The following DOCK5 variants were observed in gnomAD, a reference collection of about 807,000 sequenced individuals.
The protein encoded by DOCK5 is dedicator of cytokinesis protein 5.
In DOCK5, 142 loss-of-function variants were observed where a neutral mutation model predicts 251.8. That is an observed-to-expected ratio of 0.56 (90% CI 0.49 to 0.65). The LOEUF is 0.65. Ranked by LOEUF, DOCK5 falls within the 30% of genes least tolerant of loss-of-function variation. The probability of loss-of-function intolerance (pLI) is 0.00; values close to 1 mark genes in which losing one functional copy is unlikely to be tolerated. For synonymous variants in DOCK5, 842 were observed against 835.5 expected (o/e 1.01, Z -0.13); for missense variants, 2,111 against 2,312.3 (o/e 0.91, Z 1.79).
At chr8:25,205,957 C>T (rs1032841447) in intron 1 of DOCK5, among the ~76,000 whole-genome samples, 11 of 151,958 alleles carry the variant, frequency 7.2e-5, no homozygotes, top group Non-Finnish European at 1.2e-4. Flanking sequence ...TAAAAGACCC[C>T]AAGTATAAAG....
chr8:25,255,185 C>T (rs1025361968), intron 2 of DOCK5, among the ~76,000 whole-genome samples: 1 of 152,328 alleles, frequency 6.6e-6, no homozygotes, highest in Non-Finnish European at 1.5e-5. Flanking sequence ...TCACACAATG[C>T]AGCAATTTCT....
At chr8:25,292,314 A>G in intron 6 of DOCK5, 142 bp downstream of exon 6, 1 of 1,064,342 alleles carries the variant, frequency 9.4e-7, no homozygotes. Flanking sequence ...CTTTGAAGAC[A>G]TTTAATTTTG....
intron 2 of DOCK5, among the ~76,000 whole-genome samples, chr8:25,257,884 C>T (rs1803460093): frequency 6.6e-6 from 1 of 152,164 alleles, no homozygotes; most frequent in Non-Finnish European, 1.5e-5. Flanking sequence ...CACATGCTAC[C>T]TCCTGTCATC....
At chr8:25,198,526 C>T (rs1347622991) in intron 1 of DOCK5, among the ~76,000 whole-genome samples, 2 of 151,640 alleles carry the variant, frequency 1.3e-5, no homozygotes, top group Admixed American at 6.6e-5. Context: ...AAGCTGAGAT[C>T]GTGCCACTGC....
At chr8:25,326,687 G>A (rs900523387) in intron 18 of DOCK5, among the ~76,000 whole-genome samples, 2 of 152,172 alleles carry the variant, frequency 1.3e-5, no homozygotes, top group Non-Finnish European at 2.9e-5. Flanking sequence ...GAGTTTAACT[G>A]TCTTCAGACC....
intron 2 of DOCK5, among the ~76,000 whole-genome samples, chr8:25,248,775 G>T (rs955798881): frequency 6.6e-6 from 1 of 151,988 alleles, no homozygotes; most frequent in Non-Finnish European, 1.5e-5. Flanking sequence ...CCTGGTATAC[G>T]GCAGGTGCTC....
At chr8:25,207,166 A>G (rs1802020321) in intron 1 of DOCK5, among the ~76,000 whole-genome samples, 1 of 152,200 alleles carries the variant, frequency 6.6e-6, no homozygotes, top group African/African-American at 2.4e-5. Context: ...TTGATCGACC[A>G]TAAGATTCAT....
intron 7 of DOCK5, among the ~76,000 whole-genome samples, chr8:25,297,706 A>T (rs1207084707): frequency 2.0e-5 from 3 of 152,148 alleles, no homozygotes; most frequent in Non-Finnish European, 4.4e-5. Context: ...AATAATATTT[A>T]AAAATAAAGT....
intron 32 of DOCK5, 122 bp from the exon 33 acceptor site, chr8:25,368,449 C>A: frequency 8.5e-7 from 1 of 1,180,526 alleles, no homozygotes; most frequent in Non-Finnish European, 1.2e-6. Flanking sequence ...GAATCTGAGT[C>A]ACTCACTTCT....
At chr8:25,380,789 C>T (rs1475665593) in intron 39 of DOCK5, among the ~76,000 whole-genome samples, 2 of 152,200 alleles carry the variant, frequency 1.3e-5, no homozygotes, top group African/African-American at 4.8e-5. Flanking sequence ...AAAATGAGTG[C>T]CCAGTGTTAG....
intron 5 of DOCK5, 54 bp from the exon 6 acceptor site, chr8:25,291,970 C>T: frequency 2.7e-6 from 4 of 1,467,614 alleles, no homozygotes; most frequent in South Asian, 1.4e-5. Flanking sequence ...TGTTCCCATC[C>T]TCTGTCACAC....
intron 37 of DOCK5, among the ~76,000 whole-genome samples, chr8:25,377,042 C>T (rs1476818589): frequency 6.6e-6 from 1 of 151,024 alleles, no homozygotes; most frequent in African/African-American, 2.4e-5. Context: ...GTTACTGATG[C>T]CCCAGTACAA....
At chr8:25,203,928 C>G (rs545802407) in intron 1 of DOCK5, among the ~76,000 whole-genome samples, 26 of 151,756 alleles carry the variant, frequency 1.7e-4, no homozygotes, top group African/African-American at 6.3e-4. Context: ...AAAATTGCTC[C>G]TCAACAAATA....
chr8:25,215,997 C>T (rs1802233251), intron 1 of DOCK5, among the ~76,000 whole-genome samples: 1 of 150,216 alleles, frequency 6.7e-6, no homozygotes, highest in Non-Finnish European at 1.5e-5. Flanking sequence ...TATATATCTG[C>T]ATACAGTATG....
chr8:25,185,189 C>G (rs1801401480), intron 1 of DOCK5, among the ~76,000 whole-genome samples: 1 of 152,136 alleles, frequency 6.6e-6, no homozygotes, highest in Non-Finnish European at 1.5e-5. Flanking sequence ...GGACCGTAAT[C>G]CCGCTCTTGC....
intron 20 of DOCK5, among the ~76,000 whole-genome samples, 165 bp from the exon 21 acceptor site, chr8:25,333,931 T>C (rs868091401): frequency 1.1e-4 from 16 of 152,072 alleles, no homozygotes; most frequent in Non-Finnish European, 2.1e-4. Context: ...TTATGCTAAA[T>C]AAATACAATC....
intron 2 of DOCK5, among the ~76,000 whole-genome samples, chr8:25,268,028 A>T (rs1349182491): frequency 4.0e-5 from 6 of 151,812 alleles, no homozygotes; most frequent in Non-Finnish European, 1.5e-5. Flanking sequence ...ACACCTGGCT[A>T]ATCTTTATAT....
At chr8:25,261,749 G>A (rs944225438) in intron 2 of DOCK5, among the ~76,000 whole-genome samples, 1 of 152,098 alleles carries the variant, frequency 6.6e-6, no homozygotes, top group Non-Finnish European at 1.5e-5. Context: ...AAATTCCGCG[G>A]TATCTTTATC....
chr8:25,338,464 A>T (rs1014241894), intron 22 of DOCK5, among the ~76,000 whole-genome samples: 8 of 151,886 alleles, frequency 5.3e-5, no homozygotes, highest in Non-Finnish European at 7.4e-5. Context: ...GCTATTTTTT[A>T]TATTTTTTTG....
Sources: allele counts gnomAD v4.1 joint callset (sites outside exome capture counted in the v4.1 genomes callset), GRCh38; gene constraint gnomAD v4.1.1; transcripts MANE v1.5; gene names NCBI Gene and HGNC (gene_info 2026-07-23, HGNC 2026-07-21).